Variants in SERGEF observed in about 807,000 individuals in gnomAD.
SERGEF encodes the protein secretion regulating guanine nucleotide exchange factor, also known as secretion-regulating guanine nucleotide exchange factor.
Under a neutral mutation model 50.0 loss-of-function variants are expected in SERGEF, and 51 were observed. The observed-to-expected ratio is 1.02, with a 90% CI of 0.81 to 1.29. The LOEUF (loss-of-function observed/expected upper bound fraction) is 1.29, where lower values mean the gene tolerates loss of function less well. Ranked by LOEUF, SERGEF falls within the 50% of genes most tolerant of loss-of-function variation. The pLI is 0.00. For synonymous variants in SERGEF, 205 were observed against 212.4 expected, an observed-to-expected ratio of 0.97 and a Z score of 0.30; for missense variants, 521 against 557.0, an observed-to-expected ratio of 0.94 and a Z score of 0.65.
At chr11:17,830,648 G>GATA (rs1554999432) in intron 10 of SERGEF, among the ~76,000 whole-genome samples, 2 of 98,816 alleles carry the variant, frequency 2.0e-5, no homozygotes, top group African/African-American at 8.1e-5. Context: ...GGGAGAGGGA[G>GATA]GGAGAGAGAG....
At chr11:17,917,411 CAG>C (rs570005200) in intron 9 of SERGEF, among the ~76,000 whole-genome samples, 288 of 152,200 alleles carry the variant, frequency 1.9e-3, no homozygotes, top group African/African-American at 6.7e-3. Flanking sequence ...TTCAATGACT[CAG>C]GGGGGAAGGG....
chr11:17,896,391 A>G (rs189516068), intron 9 of SERGEF, among the ~76,000 whole-genome samples: 18 of 152,228 alleles, frequency 1.2e-4, no homozygotes, highest in Admixed American at 1.1e-3. Flanking sequence ...AACTTTTTCA[A>G]TATTACAGTT....
intron 9 of SERGEF, among the ~76,000 whole-genome samples, chr11:17,912,091 G>T (rs1288128609): frequency 2.0e-5 from 3 of 152,226 alleles, no homozygotes; most frequent in Admixed American, 2.0e-4. Flanking sequence ...CCAAGAGGGA[G>T]AAACAAAACA....
At chr11:17,830,823 T>C (rs549100449) in intron 10 of SERGEF, among the ~76,000 whole-genome samples, 2 of 152,270 alleles carry the variant, frequency 1.3e-5, no homozygotes, top group East Asian at 3.9e-4. Context: ...AGTTTTAACA[T>C]GAATTTTGGA....
intron 9 of SERGEF, among the ~76,000 whole-genome samples, chr11:17,934,501 C>A (rs971494872): frequency 1.3e-5 from 2 of 152,180 alleles, no homozygotes; most frequent in African/African-American, 4.8e-5. Flanking sequence ...TGACAACTCT[C>A]CTCTAGGTCA....
intron 9 of SERGEF, among the ~76,000 whole-genome samples, chr11:17,940,073 T>C (rs1042758292): frequency 6.6e-6 from 1 of 151,762 alleles, no homozygotes; most frequent in Non-Finnish European, 1.5e-5. Context: ...TCTAGCCTGG[T>C]TCCTCCTTTC....
intron 10 of SERGEF, among the ~76,000 whole-genome samples, chr11:17,860,035 G>A (rs1457719123): frequency 1.3e-5 from 2 of 152,152 alleles, no homozygotes; most frequent in East Asian, 1.9e-4. Flanking sequence ...ACGTAACCAC[G>A]GTGCAGGCCT....
chr11:17,937,568 T>C (rs61884489), intron 9 of SERGEF, among the ~76,000 whole-genome samples: 18,357 of 151,990 alleles, frequency 0.12, 1,364 homozygotes, highest in Middle Eastern at 0.22. Context: ...TAAAATAAAA[T>C]GTATTACAAT....
intron 9 of SERGEF, among the ~76,000 whole-genome samples, chr11:17,957,662 G>A (rs184564352): frequency 1.9e-4 from 29 of 151,664 alleles, no homozygotes; most frequent in African/African-American, 6.8e-4. Context: ...AGATGCTCCG[G>A]ACCTTTGCCC....
intron 8 of SERGEF, among the ~76,000 whole-genome samples, chr11:17,988,161 CA>C (rs1718545337): frequency 6.6e-6 from 1 of 152,178 alleles, no homozygotes; most frequent in Admixed American, 6.5e-5. Context: ...AAGTTTAAAT[CA>C]GAATTCCATG....
intron 1 of SERGEF, among the ~76,000 whole-genome samples, chr11:18,009,810 T>C (rs1052251653): frequency 2.0e-5 from 3 of 152,176 alleles, no homozygotes; most frequent in Admixed American, 1.3e-4. Context: ...ATTTTACAGC[T>C]TTTAGAAAAG....
intron 10 of SERGEF, among the ~76,000 whole-genome samples, chr11:17,817,826 CT>C (rs1280914165): frequency 6.6e-6 from 1 of 152,188 alleles, no homozygotes; most frequent in African/African-American, 2.4e-5. Context: ...AGGCTGCACC[CT>C]TTCTCAAGCT....
At chr11:17,960,697 T>TA (rs1441222873) in intron 8 of SERGEF, among the ~76,000 whole-genome samples, 1 of 152,146 alleles carries the variant, frequency 6.6e-6, no homozygotes, top group African/African-American at 2.4e-5. Context: ...AAAATAACCA[T>TA]AGATTCATGG....
intron 10 of SERGEF, chr11:17,846,792 G>T (rs1451359691): frequency 2.2e-6 from 1 of 456,068 alleles, no homozygotes; most frequent in African/African-American, 2.0e-5. Flanking sequence ...AATGCATATT[G>T]AACCCAGAAT....
chr11:17,921,657 CAA>C (rs779197265), intron 9 of SERGEF, among the ~76,000 whole-genome samples: 12 of 152,106 alleles, frequency 7.9e-5, no homozygotes, highest in Admixed American at 1.3e-4. Flanking sequence ...AGGGTGCAGA[CAA>C]AGAGTCCTCA....
chr11:17,897,537 C>T (rs73426276), intron 9 of SERGEF, among the ~76,000 whole-genome samples: 1 of 152,138 alleles, frequency 6.6e-6, no homozygotes, highest in African/African-American at 2.4e-5. Context: ...TAATGGAATA[C>T]CACTAATCAA....
intron 10 of SERGEF, among the ~76,000 whole-genome samples, chr11:17,813,330 A>G (rs1849907330): frequency 6.6e-6 from 1 of 152,198 alleles, no homozygotes; most frequent in Non-Finnish European, 1.5e-5. Context: ...CTGAGGCCTA[A>G]GCTCATGAGG....
At chr11:17,871,458 C>T (rs1258312262) in intron 10 of SERGEF, among the ~76,000 whole-genome samples, 54 of 74,772 alleles carry the variant, frequency 7.2e-4, no homozygotes, top group Admixed American at 2.8e-3. Flanking sequence ...GAGACTCCAT[C>T]TCAAAAAAAA....
chr11:17,854,945 A>C (rs951519332), intron 10 of SERGEF: 5 of 152,182 alleles, frequency 3.3e-5, no homozygotes, highest in Non-Finnish European at 5.9e-5. Context: ...AGTTGCTCTG[A>C]GCATTTTCAT....
Sources: allele counts gnomAD v4.1 joint callset (sites outside exome capture counted in the v4.1 genomes callset), GRCh38; gene constraint gnomAD v4.1.1; transcripts MANE v1.5; gene names NCBI Gene and HGNC (gene_info 2026-07-23, HGNC 2026-07-21).